FOXK2: variants seen among roughly 807,000 people sequenced by gnomAD.
The protein encoded by FOXK2 is forkhead box K2, also known as forkhead box protein K2.
FOXK2 carries 24 observed loss-of-function variants against 53.3 expected under a neutral mutation model. The ratio of observed to expected loss-of-function variants is 0.45; its 90% CI spans 0.33 to 0.63. FOXK2 has a LOEUF of 0.63. FOXK2 is among the 30% of genes least tolerant of loss of function. FOXK2 has a pLI of 0.03. For missense variants in FOXK2, 952 were observed against 910.5 expected, an observed-to-expected ratio of 1.05 and a Z score of -0.59; for synonymous variants, 505 against 407.1, an observed-to-expected ratio of 1.24 and a Z score of -2.89.
rs2044819065 is a variant in FOXK2, at chr17:82,563,436, T to C, written c.502T>C (p.Ser168Pro). The change falls in exon 2 of 9, where the codon TCT (serine) becomes CCT (proline). Residue 168 changes from serine to proline, a missense_variant. Coordinates refer to ENST00000335255, the MANE Select transcript of FOXK2 (RefSeq NM_004514.4). The stretch of plus-strand genomic sequence containing the variant: ...CGAGAAGAGAGAGAAGCAGGAGGCG[T>C]CTGAGTCTCCAGTGAAGGCCGTACA... Reference protein sequence around the residue: ...SSEKREKQEASESPVKAVQPH... With the variant: ...SSEKREKQEAPESPVKAVQPH... 6.2e-7 allele frequency: 1 copy of C among 1,614,016 alleles called. No individual in the cohort carries two copies. Among genetic ancestry groups the C allele is most frequent in the Non-Finnish European group, 8.5e-7 (1 of 1,180,032 alleles).
intron 7 of FOXK2, among the ~76,000 whole-genome samples, 190 bp from the exon 8 acceptor site, chr17:82,586,873 C>G (rs1268961658): frequency 6.6e-6 from 1 of 152,046 alleles, no homozygotes; most frequent in Non-Finnish European, 1.5e-5. Context: ...TGGACTCCAG[C>G]TTGGGTAACG....
At chr17:82,529,218 CTTTTT>C (rs753569022) in intron 1 of FOXK2, among the ~76,000 whole-genome samples, 4 of 90,478 alleles carry the variant, frequency 4.4e-5, no homozygotes, top group Admixed American at 2.8e-4. Flanking sequence ...TTGAAAGCGC[CTTTTT>C]TTTTTTTTTT....
chr17:82,591,173 C>T (rs1465813442), intron 8 of FOXK2, among the ~76,000 whole-genome samples: 2 of 152,092 alleles, frequency 1.3e-5, no homozygotes, highest in African/African-American at 2.4e-5. Flanking sequence ...AGGTGAGTTC[C>T]GTGGGCAGGC....
intron 3 of FOXK2, among the ~76,000 whole-genome samples, chr17:82,570,253 G>A (rs2044902348): frequency 6.6e-6 from 1 of 152,136 alleles, no homozygotes; most frequent in African/African-American, 2.4e-5. Flanking sequence ...TTGACTTCGG[G>A]AGGCCAAGGT....
chr17:82,602,056 T>G lies in FOXK2; in HGVS notation c.*557T>G, dbSNP rs1479162509. 1 of 152,652 alleles carries G rather than the reference T, an allele frequency of 6.6e-6. No homozygotes were observed. The highest frequency in any genetic ancestry group is 1.5e-5 in the Non-Finnish European group (1 of 68,170). The allele number at this position is 152,652 out of a possible 1,614,324, so 9.5% of individuals were successfully genotyped here. A position where few individuals can be genotyped will look rare whatever the true frequency, so the allele number is the denominator to read the frequency against. ...GGCAAAGAAACAACGTAGTTTTGTTTTTGTTTTCAGCCTATGGAATGATTT... is the reference window on the plus strand; with the variant it reads ...GGCAAAGAAACAACGTAGTTTTGTTGTTGTTTTCAGCCTATGGAATGATTT... On this transcript the variant is annotated 3_prime_UTR_variant, in exon 9 of 9. Transcript: ENST00000335255.
chr17:82,567,696 C>T (rs373750003), intron 2 of FOXK2, among the ~76,000 whole-genome samples: 40 of 152,092 alleles, frequency 2.6e-4, no homozygotes, highest in African/African-American at 9.4e-4. Context: ...CTGTGCCTAT[C>T]TTGTGTCACT....
intron 4 of FOXK2, chr17:82,577,179 A>G (rs2044998201): frequency 1.0e-6 from 1 of 1,001,232 alleles, no homozygotes; most frequent in Non-Finnish European, 1.5e-6. Context: ...AGAAAAAGAA[A>G]AAAAGAAATG....
chr17:82,551,443 A>G (rs2044676645), intron 1 of FOXK2, among the ~76,000 whole-genome samples: 1 of 152,168 alleles, frequency 6.6e-6, no homozygotes, highest in South Asian at 2.1e-4. Context: ...TGGGAGGTCA[A>G]GGCGGGTGGA....
At chr17:82,565,103 G>C (rs1173186191) in intron 2 of FOXK2, among the ~76,000 whole-genome samples, 1 of 152,046 alleles carries the variant, frequency 6.6e-6, no homozygotes, top group East Asian at 1.9e-4. Context: ...AGTGGTACCA[G>C]GTAAACGGTA....
chr17:82,580,955 C>G (rs1299759336), intron 4 of FOXK2, among the ~76,000 whole-genome samples: 2 of 152,226 alleles, frequency 1.3e-5, no homozygotes, highest in Non-Finnish European at 2.9e-5. Flanking sequence ...TAGCTCCATC[C>G]ACAGGGCCCA....
chr17:82,541,975 G>A (rs1185078963), intron 1 of FOXK2, among the ~76,000 whole-genome samples: 1 of 150,636 alleles, frequency 6.6e-6, no homozygotes, highest in Non-Finnish European at 1.5e-5. Context: ...CCACCTTCCC[G>A]GTTCAAGTGA....
chr17:82,528,053 C>A (rs1179105059), intron 1 of FOXK2, among the ~76,000 whole-genome samples: 1 of 152,148 alleles, frequency 6.6e-6, no homozygotes, highest in East Asian at 1.9e-4. Flanking sequence ...CCACCTCAGT[C>A]TGCCAAAGTG....
intron 4 of FOXK2, among the ~76,000 whole-genome samples, chr17:82,575,754 C>T (rs1398889371): frequency 3.9e-5 from 6 of 152,288 alleles, no homozygotes; most frequent in Admixed American, 6.5e-5. Flanking sequence ...TCAAGCTGGG[C>T]TTGAGTAACA....
At chr17:82,530,382 CG>C (rs2044461227) in intron 1 of FOXK2, among the ~76,000 whole-genome samples, 1 of 139,260 alleles carries the variant, frequency 7.2e-6, no homozygotes, top group Non-Finnish European at 1.5e-5. Flanking sequence ...ACCAGCTACT[CG>C]GGAGGCTAAG....
At chr17:82,538,633 G>A (rs796868357) in intron 1 of FOXK2, among the ~76,000 whole-genome samples, 39 of 152,362 alleles carry the variant, frequency 2.6e-4, no homozygotes, top group African/African-American at 9.1e-4. Context: ...TGTGTATCAT[G>A]TATGGTGTAG....
intron 1 of FOXK2, among the ~76,000 whole-genome samples, chr17:82,529,442 TGCAGTG>T (rs2044450869): frequency 6.6e-6 from 1 of 151,262 alleles, no homozygotes; most frequent in African/African-American, 2.4e-5. Context: ...CAGGCTGGAA[TGCAGTG>T]GCACGATCTT....
rs764074916 is a variant in FOXK2, at chr17:82,587,099, C to T, written c.1613C>T (p.Thr538Met). ...VEPIPAIGHA[T>M]LGTASRIIQT... ...CCTATTCCCGCCATTGGCCACGCCA[C>T]GCTCGGCACTGCCAGCCGGATCATT... The change falls in exon 8 of 9, where the codon ACG (threonine) becomes ATG (methionine). Residue 538 changes from threonine to methionine, a missense_variant. By Grantham distance (81) the Thr-to-Met change is moderately conservative. Around this residue, in one of 5 missense-constraint regions of FOXK2, gnomAD observed 551 missense variants for 385.1 expected, o/e 1.43. Transcript: ENST00000335255. 19 of 1,612,944 alleles carry T rather than the reference C, an allele frequency of 1.2e-5. No individual in the cohort carries two copies. The highest frequency in any genetic ancestry group is 2.2e-5 in the South Asian group (2 of 91,096).
chr17:82,581,697 G>A (rs1192622013), intron 4 of FOXK2, among the ~76,000 whole-genome samples: 6 of 151,992 alleles, frequency 3.9e-5, no homozygotes, highest in African/African-American at 7.2e-5. Flanking sequence ...GGATGGTCTC[G>A]ATCTCCTGAC....
In FOXK2 at chr17:82,585,954, C is replaced by T. The variant is rs201298971; in HGVS notation, c.1330C>T (p.Pro444Ser). The change falls in exon 7 of 9, where the codon CCA becomes TCA. Residue 444 changes from proline to serine, a missense_variant. Physicochemically the swap from Pro to Ser is moderately conservative, Grantham distance 74. This residue lies in a region of FOXK2 where 551 missense variants were observed against 385.1 expected (regional missense o/e 1.43). Transcript: ENST00000335255. ...PVLITVQRQL[P>S]QAIKPVTYTV... Reference sequence around the variant, plus strand: ...CTTAATCACCGTCCAGCGGCAGCTACCACAGGCCATCAAGCCTGTCACCTA... The same window carrying T: ...CTTAATCACCGTCCAGCGGCAGCTATCACAGGCCATCAAGCCTGTCACCTA... 2.5e-6 allele frequency: 4 copies of T among 1,612,766 alleles called. No homozygotes were observed. The highest frequency in any genetic ancestry group is 2.2e-5 in the East Asian group (1 of 44,882).
Sources: allele counts gnomAD v4.1 joint callset (sites outside exome capture counted in the v4.1 genomes callset), GRCh38; gene constraint gnomAD v4.1.1; regional missense constraint gnomAD v4.1.1; transcripts MANE v1.5; gene names NCBI Gene and HGNC (gene_info 2026-07-23, HGNC 2026-07-21).